Variants in BLTP1 observed in about 807,000 individuals in gnomAD.
BLTP1 encodes bridge-like lipid transfer protein family member 1, also known as fragile site-associated protein.
chr4:122,344,995 AG>A, the BLTP1 span: 1 of 984,908 alleles, frequency 1.0e-6, no homozygotes, highest in Non-Finnish European at 1.2e-6. Flanking sequence ...ACTATGGGCA[AG>A]TCATTTCCTT....
At chr4:122,194,823 C>T in the BLTP1 span, 2 of 330,990 alleles carry the variant, frequency 6.0e-6, no homozygotes, top group Admixed American at 1.3e-4. Flanking sequence ...GCTTTAACCA[C>T]TCCTTTCAGT....
chr4:122,174,670 T>C, the BLTP1 span: 2 of 1,520,098 alleles, frequency 1.3e-6, no homozygotes, highest in African/African-American at 1.4e-5. Context: ...AATTAAAAAA[T>C]TGAAAAGGAC....
At chr4:122,202,381 C>T in the BLTP1 span, 1 of 154,066 alleles carries the variant, frequency 6.5e-6, no homozygotes. Context: ...TTATTGAATC[C>T]TCACAATAAC....
the BLTP1 span, chr4:122,210,127 A>G: frequency 2.0e-5 from 8 of 408,102 alleles, no homozygotes; most frequent in African/African-American, 6.5e-5. Flanking sequence ...TCTGGCTTCT[A>G]TTATCTTCTA....
At chr4:122,311,511 G>A in the BLTP1 span, among the ~76,000 whole-genome samples, 1 of 152,034 alleles carries the variant, frequency 6.6e-6, no homozygotes, top group South Asian at 2.1e-4. Context: ...TTGAACAAAG[G>A]TGATGTGTAT....
chr4:122,339,190 C>CT, the BLTP1 span: 2 of 1,606,648 alleles, frequency 1.2e-6, no homozygotes, highest in Non-Finnish European at 1.7e-6. Context: ...AAACCTTTTG[C>CT]TGTCTGTTAT....
At chr4:122,262,770 C>A in the BLTP1 span, 1 of 1,590,032 alleles carries the variant, frequency 6.3e-7, no homozygotes, top group South Asian at 1.1e-5. Context: ...GTAGGGCATT[C>A]ACCCATATCA....
At chr4:122,250,227 ATTACT>A in the BLTP1 span, 1 of 937,848 alleles carries the variant, frequency 1.1e-6, no homozygotes, top group Non-Finnish European at 1.5e-6. Flanking sequence ...TCAGTGATAC[ATTACT>A]TTTATAGATT....
At chr4:122,171,522 G>A in the BLTP1 span, among the ~76,000 whole-genome samples, 51 of 151,914 alleles carry the variant, frequency 3.4e-4, no homozygotes, top group African/African-American at 1.2e-3. Context: ...TTGTACATAT[G>A]TTGTCTCACT....
At chr4:122,162,688 A>G in the BLTP1 span, 1 of 983,166 alleles carries the variant, frequency 1.0e-6, no homozygotes, top group Non-Finnish European at 1.2e-6. Flanking sequence ...AGAAAAATAG[A>G]AGAGGAAAAG....
At chr4:122,169,551 T>C in the BLTP1 span, 1 of 827,788 alleles carries the variant, frequency 1.2e-6, no homozygotes, top group African/African-American at 1.9e-5. Flanking sequence ...CATATGTTAC[T>C]ATGGTATTAT....
chr4:122,182,087 A>T, the BLTP1 span, among the ~76,000 whole-genome samples: 1 of 152,220 alleles, frequency 6.6e-6, no homozygotes, highest in African/African-American at 2.4e-5. Context: ...TTAAATGTTA[A>T]GAAGAATACA....
At chr4:122,324,939 A>G in the BLTP1 span, among the ~76,000 whole-genome samples, 1 of 151,966 alleles carries the variant, frequency 6.6e-6, no homozygotes, top group African/African-American at 2.4e-5. Context: ...TAGCATATGA[A>G]AAAATGGAAA....
the BLTP1 span, among the ~76,000 whole-genome samples, chr4:122,265,568 T>G: frequency 6.6e-6 from 1 of 152,152 alleles, no homozygotes; most frequent in African/African-American, 2.4e-5. Context: ...TATTGGAATT[T>G]AGAGTCAGTT....
chr4:122,193,742 CG>C, the BLTP1 span: 1 of 706,392 alleles, frequency 1.4e-6, no homozygotes, highest in Non-Finnish European at 1.7e-6. Flanking sequence ...GCAGATATTA[CG>C]GGGCCATTGA....
the BLTP1 span, among the ~76,000 whole-genome samples, chr4:122,188,694 G>C: frequency 6.6e-6 from 1 of 151,924 alleles, no homozygotes; most frequent in Non-Finnish European, 1.5e-5. Flanking sequence ...AGTGTGATGG[G>C]ATGCTGAGTG....
At chr4:122,331,617 C>T in the BLTP1 span, 1 of 1,482,486 alleles carries the variant, frequency 6.7e-7, no homozygotes, top group Non-Finnish European at 8.9e-7. Context: ...TGAATTATAA[C>T]AAACTTCTCC....
chr4:122,264,451 A>G, the BLTP1 span: 20 of 1,568,180 alleles, frequency 1.3e-5, no homozygotes, highest in Middle Eastern at 5.1e-4. Context: ...CTTTTTCCTA[A>G]TTATAATAAT....
the BLTP1 span, chr4:122,249,806 T>C: frequency 1.7e-5 from 24 of 1,433,290 alleles, no homozygotes; most frequent in East Asian, 5.4e-4. Context: ...AAGTGTGGTA[T>C]CTGGGATTAT....
Sources: allele counts gnomAD v4.1 joint callset (sites outside exome capture counted in the v4.1 genomes callset), GRCh38; gene constraint gnomAD v4.1.1; transcripts MANE v1.5; gene names NCBI Gene and HGNC (gene_info 2026-07-23, HGNC 2026-07-21).